C6orf89: variants seen among roughly 807,000 people sequenced by gnomAD.
The protein encoded by C6orf89 is chromosome 6 open reading frame 89.
C6orf89 carries 29 observed loss-of-function variants against 40.7 expected under a neutral mutation model. The observed-to-expected ratio is 0.71, with a 90% CI of 0.53 to 0.97. The LOEUF (loss-of-function observed/expected upper bound fraction) is 0.97, where lower values mean the gene tolerates loss of function less well. C6orf89 is among the 50% of genes least tolerant of loss of function. The pLI, the probability that C6orf89 is intolerant of heterozygous loss-of-function variation, is 0.00. For synonymous variants in C6orf89, 165 were observed against 152.2 expected, an observed-to-expected ratio of 1.08 and a Z score of -0.62; for missense variants, 392 against 429.1, an observed-to-expected ratio of 0.91 and a Z score of 0.76.
At chr6:36,920,743 G>A (rs943613487) in intron 8 of C6orf89, among the ~76,000 whole-genome samples, 2 of 152,176 alleles carry the variant, frequency 1.3e-5, no homozygotes, top group South Asian at 2.1e-4. Context: ...TATGGAAATC[G>A]TTCTGAATCT....
At chr6:36,891,262 C>T (rs112438379) in intron 1 of C6orf89, among the ~76,000 whole-genome samples, 13 of 152,080 alleles carry the variant, frequency 8.5e-5, no homozygotes, top group Non-Finnish European at 1.6e-4. Context: ...TCTGTCCTTG[C>T]GATAGTTTGC....
intron 1 of C6orf89, among the ~76,000 whole-genome samples, chr6:36,877,984 C>T (rs1378766600): frequency 6.6e-6 from 1 of 152,204 alleles, no homozygotes. Flanking sequence ...TTCTCTCTTA[C>T]AGAACATGTC....
In C6orf89 at chr6:36,893,180, C is replaced by T. The variant is rs549028696; in HGVS notation, c.-119-1324C>T. On this transcript the variant is annotated intron_variant, in intron 1 of 8. Coordinates refer to ENST00000480824, the MANE Select transcript of C6orf89 (RefSeq NM_001286635.2). ...TGATCTCCTGACCTCGTGATCTGCC[C>T]GCCTCGGCCTCCCAAAGTGCTGGGA... 8.0e-5 allele frequency among the ~76,000 whole-genome samples: 12 copies of T among 150,282 alleles called. No individual in the cohort carries two copies. In the South Asian group the frequency reaches 2.1e-3, roughly 26 times the overall value.
intron 8 of C6orf89, among the ~76,000 whole-genome samples, chr6:36,921,378 C>A (rs1173091465): frequency 1.3e-5 from 2 of 152,166 alleles, no homozygotes; most frequent in South Asian, 4.1e-4. Flanking sequence ...GGTTCCTCTA[C>A]CTTAGGGACC....
chr6:36,914,767 A>G, intron 6 of C6orf89, 74 bp downstream of exon 6: 1 of 1,563,550 alleles, frequency 6.4e-7, no homozygotes, highest in Non-Finnish European at 8.7e-7. Flanking sequence ...AGGCAGGCAG[A>G]TCACTTGAGC....
At chr6:36,888,595 C>G (rs1008376782) in intron 1 of C6orf89, among the ~76,000 whole-genome samples, 4 of 152,160 alleles carry the variant, frequency 2.6e-5, no homozygotes, top group Non-Finnish European at 5.9e-5. Context: ...GATCATGTCA[C>G]TGCACTCCAG....
In C6orf89 at chr6:36,924,242, TG is replaced by T; in HGVS notation, c.*802del. ...GAGCCCACTACTGCTGAGGCAGCAC[TG>T]CTCTCGTCAGCTGTGTTGCCTTTAC... On this transcript the variant is annotated 3_prime_UTR_variant, in exon 9 of 9. Coordinates refer to ENST00000480824, the MANE Select transcript of C6orf89 (RefSeq NM_001286635.2). The T allele has an allele frequency of 6.5e-6, 1 of 153,534 alleles. No individual in the cohort carries two copies. Among genetic ancestry groups the T allele is most frequent in the Admixed American group, 6.4e-5 (1 of 15,512 alleles). The allele number at this position is 153,534 out of a possible 1,614,324, so 9.5% of individuals were successfully genotyped here. A position where few individuals can be genotyped will look rare whatever the true frequency, so the allele number is the denominator to read the frequency against.
chr6:36,901,811 C>T (rs1416405816), intron 3 of C6orf89, among the ~76,000 whole-genome samples: 1 of 151,836 alleles, frequency 6.6e-6, no homozygotes, highest in Non-Finnish European at 1.5e-5. Context: ...GCTGGGACTA[C>T]AGGCGCCCAC....
intron 2 of C6orf89, among the ~76,000 whole-genome samples, chr6:36,898,389 C>T (rs559800642): frequency 1.4e-3 from 207 of 151,210 alleles, no homozygotes; most frequent in Non-Finnish European, 2.3e-3. Context: ...AAGAGATTCT[C>T]CTGCCTCAGC....
At chr6:36,874,580 G>T (rs960740108) in intron 1 of C6orf89, 2 of 1,201,004 alleles carry the variant, frequency 1.7e-6, no homozygotes, top group African/African-American at 3.1e-5. Flanking sequence ...AACCCTCTGG[G>T]GGCCGTCTCG....
intron 3 of C6orf89, among the ~76,000 whole-genome samples, chr6:36,901,222 T>A (rs1037161261): frequency 4.6e-5 from 7 of 150,584 alleles, no homozygotes; most frequent in African/African-American, 1.7e-4. Flanking sequence ...CCTAAGGTGA[T>A]ACACCCGCCT....
chr6:36,882,842 A>G (rs1305344078), upstream of C6orf89, among the ~76,000 whole-genome samples: 10 of 146,992 alleles, frequency 6.8e-5, no homozygotes, highest in South Asian at 2.1e-4. Context: ...GGTTCACGCC[A>G]TTCTCCTGCC....
intron 3 of C6orf89, 85 bp from the exon 4 acceptor site, chr6:36,902,136 A>G (rs1023393585): frequency 8.7e-7 from 1 of 1,151,954 alleles, no homozygotes; most frequent in Non-Finnish European, 1.3e-6. Flanking sequence ...GAAGTAGCAG[A>G]AGAAGCCTGT....
intron 6 of C6orf89, among the ~76,000 whole-genome samples, chr6:36,916,135 C>T (rs2150711822): frequency 6.6e-6 from 1 of 152,278 alleles, no homozygotes; most frequent in South Asian, 2.1e-4. Context: ...GCTGTTACTT[C>T]AGTCTTTTCC....
upstream of C6orf89, among the ~76,000 whole-genome samples, chr6:36,881,014 G>T (rs9470427): frequency 0.015 from 2,327 of 152,276 alleles, 57 homozygotes; most frequent in African/African-American, 0.052. Flanking sequence ...TAACTGTACA[G>T]CCTGCCTGCT....
At chr6:36,896,961 C>T (rs57718194) in intron 2 of C6orf89, among the ~76,000 whole-genome samples, 1 of 151,740 alleles carries the variant, frequency 6.6e-6, no homozygotes, top group African/African-American at 2.4e-5. Flanking sequence ...AACCCCGTCT[C>T]TACTAAAAAT....
intron 1 of C6orf89, 86 bp downstream of exon 1, chr6:36,886,114 C>G (rs1389548678): frequency 1.0e-4 from 113 of 1,108,932 alleles, no homozygotes; most frequent in Non-Finnish European, 1.3e-4. Flanking sequence ...CTCGCGCAGC[C>G]GCTTCTCGCC....
intron 7 of C6orf89, among the ~76,000 whole-genome samples, chr6:36,918,880 G>T (rs1027019107): frequency 2.0e-5 from 3 of 152,232 alleles, no homozygotes; most frequent in Non-Finnish European, 4.4e-5. Context: ...CCTCAGAGGG[G>T]CAGTAGTTAC....
chr6:36,873,650 G>A (rs1406949338), intron 1 of C6orf89, among the ~76,000 whole-genome samples: 1 of 152,182 alleles, frequency 6.6e-6, no homozygotes, highest in African/African-American at 2.4e-5. Context: ...ATTACAGGTT[G>A]GAGCCTGAAG....
Sources: allele counts gnomAD v4.1 joint callset (sites outside exome capture counted in the v4.1 genomes callset), GRCh38; gene constraint gnomAD v4.1.1; transcripts MANE v1.5; gene names NCBI Gene and HGNC (gene_info 2026-07-23, HGNC 2026-07-21).